Variants in CASC3 observed in about 807,000 individuals in gnomAD.
The protein encoded by CASC3 is CASC3 exon junction complex subunit.
Under a neutral mutation model 80.5 loss-of-function variants are expected in CASC3, and 30 were observed. That is an observed-to-expected ratio of 0.37 (90% CI 0.28 to 0.51). The LOEUF (loss-of-function observed/expected upper bound fraction) is 0.51, where lower values mean the gene tolerates loss of function less well. CASC3 is among the 20% of genes least tolerant of loss of function. The pLI is 0.94. For missense variants in CASC3, 824 were observed against 922.2 expected (o/e 0.89, Z 1.38); for synonymous variants, 312 against 333.6 (o/e 0.94, Z 0.70).
intron 1 of CASC3, 111 bp from the exon 2 acceptor site, chr17:40,141,096 C>T (rs1988703197): frequency 1.0e-6 from 1 of 1,005,002 alleles, no homozygotes; most frequent in South Asian, 1.3e-5. Flanking sequence ...ATCTCTGTCT[C>T]CCTCTCCAAC....
At chr17:40,157,342 CAAATAAAT>C (rs748174698) in intron 3 of CASC3, among the ~76,000 whole-genome samples, 6 of 145,966 alleles carry the variant, frequency 4.1e-5, no homozygotes, top group African/African-American at 7.5e-5. Flanking sequence ...GACTCCGTCT[CAAATAAAT>C]AAATAAATAA....
chr17:40,150,228 C>T (rs1261519638), intron 3 of CASC3, among the ~76,000 whole-genome samples: 1 of 151,988 alleles, frequency 6.6e-6, no homozygotes, highest in Non-Finnish European at 1.5e-5. Flanking sequence ...AAAAAATCAA[C>T]CTGGCGCAGT....
chr17:40,156,415 G>C (rs1029874606), intron 3 of CASC3, among the ~76,000 whole-genome samples: 3 of 152,092 alleles, frequency 2.0e-5, no homozygotes, highest in African/African-American at 7.2e-5. Context: ...GGCCAGGCGC[G>C]GTGGCTCATG....
In CASC3 at chr17:40,164,153, A is replaced by C. The variant is rs780437835; in HGVS notation, c.1458A>C (p.Pro486=). Reference sequence around the variant, plus strand: ...CGGGGCAGCCTTCTTTCCTGCAACCACGGGAACTTCGAGGTAGGTATCATA... The same window carrying C: ...CGGGGCAGCCTTCTTTCCTGCAACCCCGGGAACTTCGAGGTAGGTATCATA... ...WSPGQPSFLQ[P]RELRGMPNHI... is the part of the protein sequence containing the mutation. The change falls in exon 7 of 14, where the codon CCA becomes CCC. Residue 486 remains proline, a synonymous_variant. Coordinates refer to ENST00000264645, the MANE Select transcript of CASC3 (RefSeq NM_007359.5). 9 of 1,604,618 alleles carry C rather than the reference A, an allele frequency of 5.6e-6. No individual in the cohort carries two copies. Among genetic ancestry groups the C allele is most frequent in the South Asian group, 1.1e-5 (1 of 90,584 alleles).
chr17:40,155,117 C>T (rs925388215), intron 3 of CASC3, among the ~76,000 whole-genome samples: 1 of 152,030 alleles, frequency 6.6e-6, no homozygotes, highest in Non-Finnish European at 1.5e-5. Flanking sequence ...TCTCGATCTC[C>T]TGACCTCGTG....
chr17:40,146,707 G>T (rs1988871774), intron 3 of CASC3, among the ~76,000 whole-genome samples: 1 of 151,046 alleles, frequency 6.6e-6, no homozygotes, highest in African/African-American at 2.4e-5. Context: ...CAAAGTGCTG[G>T]GATTACAGGC....
At chr17:40,166,967 C>A (rs573449913) in intron 8 of CASC3, 106 bp downstream of exon 8, 2 of 779,728 alleles carry the variant, frequency 2.6e-6, no homozygotes, top group Non-Finnish European at 3.9e-6. Context: ...TTCTTTCTTT[C>A]TTTTTTTTTG....
intron 3 of CASC3, among the ~76,000 whole-genome samples, chr17:40,149,509 A>G (rs1988944322): frequency 6.6e-6 from 1 of 152,054 alleles, no homozygotes; most frequent in Non-Finnish European, 1.5e-5. Flanking sequence ...GATGTTTTTT[A>G]AAAAGTTAGG....
At chr17:40,148,403 C>T (rs748873461) in intron 3 of CASC3, among the ~76,000 whole-genome samples, 2 of 151,770 alleles carry the variant, frequency 1.3e-5, no homozygotes, top group African/African-American at 4.8e-5. Context: ...CTCACTCTGT[C>T]GCCCAGACTG....
rs779778582 is a variant in CASC3 at position 40,163,481 on chromosome 17, A to G, written c.786A>G (p.Arg262=). Residue 262 remains arginine (R), a splice_region_variant and synonymous_variant, in exon 7 of 14, where the codon CGA becomes CGG. Coordinates refer to ENST00000264645, the MANE Select transcript of CASC3 (RefSeq NM_007359.5). ...DIKPRRIRKP[R]YGSPPQRDPN... The stretch of plus-strand genomic sequence containing the variant: ...AGTTTCTTCATTCCATTTTTTGTAG[A>G]TATGGGAGTCCTCCACAAAGAGATC... 4 of 1,606,582 alleles carry G rather than the reference A, an allele frequency of 2.5e-6. No individual in the cohort carries two copies. The highest frequency in any genetic ancestry group is 3.4e-6 in the Non-Finnish European group (4 of 1,176,848).
At position 40,171,577 on chromosome 17, in the gene CASC3, C is replaced by A. The variant is rs1989594468; in HGVS notation, c.*1172C>A. On this transcript the variant is annotated 3_prime_UTR_variant, in exon 14 of 14. Transcript: ENST00000264645. ...CCTTGCAGACAGAATATAAAAACTC[C>A]TGGGCTTAAGGCCTAAGGAAGCCAG... 1.0e-6 allele frequency: 1 copy of A among 990,104 alleles called. No individual in the cohort carries two copies. Among genetic ancestry groups the A allele is most frequent in the Non-Finnish European group, 1.2e-6 (1 of 832,440 alleles). 61.3% of individuals were successfully genotyped at this position (990,104 alleles called of 1,614,324 possible). A position where few individuals can be genotyped will look rare whatever the true frequency, so the allele number is the denominator to read the frequency against.
rs568525517 is a variant in CASC3, at chr17:40,144,722, G to A, written c.297+3115G>A. ...CTCACTCTGTTGCCCAGTCACCCAGGCTGGAGTGCAGTTGTGGGGTCACAG... is the reference window on the plus strand; with the variant it reads ...CTCACTCTGTTGCCCAGTCACCCAGACTGGAGTGCAGTTGTGGGGTCACAG... On this transcript the variant is annotated intron_variant, in intron 3 of 13. Transcript: ENST00000264645. Among the ~76,000 whole-genome samples the A allele has an allele frequency of 4.1e-5, 6 of 146,360 alleles. No individual in the cohort carries two copies. The East Asian group carries it at 1.2e-3, about 29-fold the overall frequency.
intron 7 of CASC3, among the ~76,000 whole-genome samples, chr17:40,166,153 A>G (rs1191465393): frequency 6.6e-6 from 1 of 152,100 alleles, no homozygotes; most frequent in African/African-American, 2.4e-5. Flanking sequence ...AGAGAGTAAG[A>G]CCTACCTATT....
At chr17:40,160,370 C>G (rs1445028508) in intron 3 of CASC3, among the ~76,000 whole-genome samples, 3 of 152,150 alleles carry the variant, frequency 2.0e-5, no homozygotes, top group African/African-American at 7.2e-5. Flanking sequence ...TGGCATGTGC[C>G]TGTAGTCGCA....
In CASC3 at chr17:40,163,639, G is replaced by A. The variant is rs372980819; in HGVS notation, c.944G>A (p.Arg315Gln). 23 of 1,614,020 alleles carry A rather than the reference G, an allele frequency of 1.4e-5. No homozygotes were observed. Among genetic ancestry groups the A allele is most frequent in the African/African-American group, 1.3e-4 (10 of 74,910 alleles). ...ATGTCTGCACCCAGGAATTATTCTC[G>A]ATCTGGGGGCTTCAAGGAAGGTCGT... ...GRMSAPRNYS[R>Q]SGGFKEGRAG... The change falls in exon 7 of 14, where the codon CGA becomes CAA. Residue 315 changes from arginine (R) to glutamine (Q), a missense_variant. Physicochemically the swap from Arg to Gln is conservative, Grantham distance 43. Coordinates refer to ENST00000264645, the MANE Select transcript of CASC3 (RefSeq NM_007359.5).
At chr17:40,158,711 AAGAG>A (rs565546661) in intron 3 of CASC3, among the ~76,000 whole-genome samples, 76 of 152,240 alleles carry the variant, frequency 5.0e-4, no homozygotes, top group South Asian at 2.9e-3. Context: ...AGATAGTAAA[AAGAG>A]AGAGAGAGCA....
At chr17:40,142,846 A>G (rs1245255901) in intron 3 of CASC3, among the ~76,000 whole-genome samples, 1 of 152,020 alleles carries the variant, frequency 6.6e-6, no homozygotes, top group Non-Finnish European at 1.5e-5. Context: ...GCTTGCAGTG[A>G]GCTGAGATTG....
At chr17:40,166,683 TAAAAG>T (rs1989456948) in intron 7 of CASC3, 109 bp from the exon 8 acceptor site, 3 of 646,198 alleles carry the variant, frequency 4.6e-6, no homozygotes, top group South Asian at 2.2e-5. Context: ...TTTTATTAGT[TAAAAG>T]AAAAAAGGCA....
At chr17:40,164,294 C>CAAA in intron 7 of CASC3, 128 bp downstream of exon 7, 2 of 857,642 alleles carry the variant, frequency 2.3e-6, no homozygotes, top group Non-Finnish European at 3.5e-6. Context: ...GACAGAGTCT[C>CAAA]ACTCTTTTGC....
Sources: gnomAD v4.1 joint callset for allele counts (sites outside exome capture counted in the v4.1 genomes callset) on GRCh38, gnomAD v4.1.1 for gene constraint, MANE v1.5 for transcripts, NCBI Gene and HGNC (gene_info 2026-07-23, HGNC 2026-07-21) for gene names.